BMPR1B: variants seen among roughly 807,000 people sequenced by gnomAD.
BMPR1B encodes bone morphogenetic protein receptor type 1B.
Under a neutral mutation model 59.1 loss-of-function variants are expected in BMPR1B, and 12 were observed. That is an observed-to-expected ratio of 0.20 (90% CI 0.13 to 0.33). The LOEUF (loss-of-function observed/expected upper bound fraction) is 0.33. Ranked by LOEUF, BMPR1B falls within the 10% of genes least tolerant of loss-of-function variation. The probability of loss-of-function intolerance (pLI) is 1.00; values close to 1 mark genes in which losing one functional copy is unlikely to be tolerated. For synonymous variants in BMPR1B, 237 were observed against 207.3 expected (o/e 1.14, Z -1.23); for missense variants, 550 against 610.9 (o/e 0.90, Z 1.05).
At chr4:94,939,165 A>G (rs777937707) in intron 2 of BMPR1B, among the ~76,000 whole-genome samples, 10 of 152,230 alleles carry the variant, frequency 6.6e-5, no homozygotes, top group Non-Finnish European at 1.3e-4. Flanking sequence ...TCAGCAAAGG[A>G]TGAAGGAAAC....
chr4:95,022,641 AG>A (rs1724076302), intron 3 of BMPR1B, among the ~76,000 whole-genome samples: 1 of 152,098 alleles, frequency 6.6e-6, no homozygotes, highest in East Asian at 1.9e-4. Flanking sequence ...GTTCTACGGC[AG>A]GAAAATATTT....
intron 2 of BMPR1B, among the ~76,000 whole-genome samples, chr4:94,960,036 C>T (rs1057501194): frequency 2.6e-5 from 4 of 152,128 alleles, no homozygotes; most frequent in African/African-American, 7.2e-5. Context: ...TATTGAATTA[C>T]TGCATGGTCC....
chr4:95,149,792 C>T (rs561837542), intron 11 of BMPR1B, among the ~76,000 whole-genome samples: 1 of 152,332 alleles, frequency 6.6e-6, no homozygotes, highest in East Asian at 1.9e-4. Context: ...TTAACTAGTA[C>T]TGAGATGTGT....
chr4:94,881,163 C>T (rs1264955790), intron 2 of BMPR1B, among the ~76,000 whole-genome samples: 1 of 152,098 alleles, frequency 6.6e-6, no homozygotes, highest in East Asian at 1.9e-4. Context: ...AGAACATTTT[C>T]ATCTTCTGCA....
In BMPR1B at chr4:95,154,751, A is replaced by G. The variant is rs1735292905; in HGVS notation, c.*78A>G. The G allele has an allele frequency of 1.9e-6, 3 of 1,581,200 alleles. No individual in the cohort carries two copies. Among genetic ancestry groups the G allele is most frequent in the South Asian group, 1.1e-5 (1 of 89,672 alleles). Reference sequence around the variant, plus strand: ...TTGTGGGCAGAGCAAAAGACATCAAATAAGCATCCACAGTACAAGCCTTGA... The same window carrying G: ...TTGTGGGCAGAGCAAAAGACATCAAGTAAGCATCCACAGTACAAGCCTTGA... On this transcript the variant is annotated 3_prime_UTR_variant, in exon 13 of 13. Coordinates refer to ENST00000515059, the MANE Select transcript of BMPR1B (RefSeq NM_001203.3).
At chr4:95,067,965 A>G (rs562405822) in intron 3 of BMPR1B, among the ~76,000 whole-genome samples, 1 of 152,342 alleles carries the variant, frequency 6.6e-6, no homozygotes, top group South Asian at 2.1e-4. Context: ...AAAGAAAGGA[A>G]GTAAACAAGT....
intron 1 of BMPR1B, among the ~76,000 whole-genome samples, chr4:94,768,454 A>G (rs1722053571): frequency 6.6e-6 from 1 of 152,158 alleles, no homozygotes; most frequent in Non-Finnish European, 1.5e-5. Flanking sequence ...CTAACAATAT[A>G]GGAATGTTCA....
In BMPR1B at chr4:95,135,907, G is replaced by C. The variant is rs144486879; in HGVS notation, c.1076+4395G>C. Among the ~76,000 whole-genome samples, 7 of 152,274 alleles carry C rather than the reference G, an allele frequency of 4.6e-5. No individual in the cohort carries two copies. The East Asian group carries it at 1.4e-3, about 29-fold the overall frequency. On this transcript the variant is annotated intron_variant, in intron 10 of 12. Coordinates refer to ENST00000515059, the MANE Select transcript of BMPR1B (RefSeq NM_001203.3). ...AGAACTTCCAACACTATGTCGAATA[G>C]GAGTGCTGAGAGAGGGCATCCCTGT...
chr4:95,120,909 A>G (rs1732474753), intron 6 of BMPR1B, among the ~76,000 whole-genome samples: 1 of 151,936 alleles, frequency 6.6e-6, no homozygotes, highest in African/African-American at 2.4e-5. Flanking sequence ...CCCGGGTTCA[A>G]GCAATTCTCC....
At chr4:94,799,661 A>G (rs1414783246) in intron 1 of BMPR1B, among the ~76,000 whole-genome samples, 1 of 150,320 alleles carries the variant, frequency 6.7e-6, no homozygotes, top group Non-Finnish European at 1.5e-5. Flanking sequence ...ATGTGATTCA[A>G]TGGGTGTCAC....
chr4:94,773,192 C>G lies in BMPR1B; in HGVS notation c.-183+15124C>G, dbSNP rs954324520. On this transcript the variant is annotated intron_variant, in intron 1 of 12. Coordinates refer to ENST00000515059, the MANE Select transcript of BMPR1B (RefSeq NM_001203.3). ...ATTGAGAGACAGGAAAGGTCATAAT[C>G]TAGAATCTGGACTGATCACTTAAAA... 6.6e-5 allele frequency among the ~76,000 whole-genome samples: 10 copies of G among 152,202 alleles called. No individual in the cohort carries two copies. The East Asian group carries it at 1.5e-3, about 24-fold the overall frequency.
At chr4:94,789,326 T>C (rs1436114024) in intron 1 of BMPR1B, among the ~76,000 whole-genome samples, 2 of 152,182 alleles carry the variant, frequency 1.3e-5, no homozygotes, top group African/African-American at 2.4e-5. Flanking sequence ...ACTTCTAGTA[T>C]AGTTTTAAGA....
intron 2 of BMPR1B, among the ~76,000 whole-genome samples, chr4:94,964,083 A>G (rs1730467197): frequency 6.6e-6 from 1 of 151,974 alleles, no homozygotes; most frequent in African/African-American, 2.4e-5. Context: ...TTTTATCTGT[A>G]GCTATTGTAA....
At chr4:94,809,748 T>A (rs868246281) in intron 1 of BMPR1B, among the ~76,000 whole-genome samples, 16 of 152,248 alleles carry the variant, frequency 1.1e-4, no homozygotes, top group African/African-American at 3.9e-4. Flanking sequence ...GGATTCAGCA[T>A]ACCAGTTAGC....
intron 3 of BMPR1B, among the ~76,000 whole-genome samples, chr4:95,031,205 A>G (rs2149156887): frequency 6.6e-6 from 1 of 152,326 alleles, no homozygotes; most frequent in Non-Finnish European, 1.5e-5. Flanking sequence ...TAATCTATAT[A>G]TCTTCTAGTT....
chr4:94,867,887 A>G (rs962180125), intron 1 of BMPR1B, among the ~76,000 whole-genome samples: 6 of 151,592 alleles, frequency 4.0e-5, no homozygotes, highest in African/African-American at 1.5e-4. Flanking sequence ...CACTTCCATC[A>G]CCCACCCAGG....
intron 3 of BMPR1B, among the ~76,000 whole-genome samples, chr4:95,030,719 A>G (rs1201265023): frequency 6.6e-6 from 1 of 152,132 alleles, no homozygotes; most frequent in Non-Finnish European, 1.5e-5. Context: ...ATTCTTATAC[A>G]CCAATAACAG....
At position 95,154,832 on chromosome 4, in the gene BMPR1B, CAA is replaced by C; in HGVS notation, c.*161_*162del. ...CTCACCTCTCAGGGAGCGACCTGGG[CAA>C]AGACAGAGAAGCTCCCAGAAGGAGA... On this transcript the variant is annotated 3_prime_UTR_variant, in exon 13 of 13. Coordinates refer to ENST00000515059, the MANE Select transcript of BMPR1B (RefSeq NM_001203.3). 2.0e-6 allele frequency: 2 copies of C among 984,506 alleles called. No individual in the cohort carries two copies. Among genetic ancestry groups the C allele is most frequent in the Non-Finnish European group, 3.1e-6 (2 of 655,088 alleles). The allele number at this position is 984,506 out of a possible 1,614,324, so 61.0% of individuals were successfully genotyped here.
At chr4:94,829,835 C>T (rs1361131696) in intron 1 of BMPR1B, among the ~76,000 whole-genome samples, 1 of 152,140 alleles carries the variant, frequency 6.6e-6, no homozygotes, top group African/African-American at 2.4e-5. Context: ...TTATATTTTA[C>T]AGTGATTGGC....
Sources: allele counts gnomAD v4.1 joint callset (sites outside exome capture counted in the v4.1 genomes callset), GRCh38; gene constraint gnomAD v4.1.1; transcripts MANE v1.5; gene names NCBI Gene and HGNC (gene_info 2026-07-23, HGNC 2026-07-21).